The following F8 variants were observed in gnomAD, a reference collection of about 807,000 sequenced individuals.
The protein encoded by F8 is antihemophilic factor.
F8 carries 12 observed loss-of-function variants against 140.6 expected under a neutral mutation model. The observed-to-expected ratio is 0.09, with a 90% CI of 0.05 to 0.14. The LOEUF (loss-of-function observed/expected upper bound fraction) is 0.14. Ranked by LOEUF, F8 falls within the 10% of genes least tolerant of loss-of-function variation. The pLI is 1.00. For missense variants in F8, 1,354 were observed against 1,720.7 expected (o/e 0.79, Z 3.77); for synonymous variants, 585 against 614.6 (o/e 0.95, Z 0.71).
chrX:154,984,481 G>T (rs782528464), intron 6 of F8, among the ~76,000 whole-genome samples: 10 of 111,490 alleles, frequency 9.0e-5, no homozygotes, highest in African/African-American at 3.3e-4. Flanking sequence ...TCTGACTGTG[G>T]GCTGTATGTA....
chrX:155,008,390 C>T (rs1315524680), intron 1 of F8, among the ~76,000 whole-genome samples: 1 of 111,684 alleles, frequency 9.0e-6, no homozygotes, highest in Non-Finnish European at 1.9e-5. Context: ...GAGTATACGG[C>T]GGGTGCCACC....
At chrX:154,996,883 A>C (rs1438599611) in intron 3 of F8, 90 bp downstream of exon 3, 9 of 1,015,174 alleles carry the variant, frequency 8.9e-6, no homozygotes, top group Non-Finnish European at 1.3e-5. Flanking sequence ...TTAGGACCTT[A>C]AAAGAGTTGT....
chrX:154,848,454 C>T (rs943448528), intron 25 of F8, among the ~76,000 whole-genome samples: 3 of 112,791 alleles, frequency 2.7e-5, no homozygotes, highest in Non-Finnish European at 5.6e-5. Context: ...GCTTCCTGGC[C>T]GCTTTGTTTA....
chrX:154,854,533 A>C lies in F8; in HGVS notation c.6900+5899T>G, dbSNP rs972489004. On this transcript the variant is annotated intron_variant, in intron 25 of 25. Transcript: ENST00000360256. ...AGCTCTCTGGGGTCTCTAGGCTGCC[A>C]ACTCACCCTGCAGATCTTGAGACTT... Among the ~76,000 whole-genome samples the C allele has an allele frequency of 4.5e-5, 5 of 110,346 alleles. No homozygotes were observed. In the South Asian group the frequency reaches 1.9e-3, roughly 43 times the overall value.
chrX:154,996,049 C>T (rs1461597753), intron 3 of F8, among the ~76,000 whole-genome samples: 4 of 111,639 alleles, frequency 3.6e-5, no homozygotes, highest in African/African-American at 1.3e-4. Flanking sequence ...TTTTAAAGCT[C>T]TTATCTCTCC....
intron 21 of F8, among the ~76,000 whole-genome samples, chrX:154,897,164 T>C (rs1393474539): frequency 8.9e-6 from 1 of 112,579 alleles, no homozygotes; most frequent in East Asian, 2.8e-4. Context: ...TAGTACAGAA[T>C]GGACACTTCT....
chrX:155,010,304 T>C (rs1167046304), intron 1 of F8, among the ~76,000 whole-genome samples: 1 of 112,276 alleles, frequency 8.9e-6, no homozygotes, highest in Non-Finnish European at 1.9e-5. Flanking sequence ...TGGCAACCAT[T>C]GTCCTTGACA....
intron 10 of F8, among the ~76,000 whole-genome samples, chrX:154,959,220 A>C (rs2073382138): frequency 9.2e-6 from 1 of 109,128 alleles, no homozygotes; most frequent in Non-Finnish European, 1.9e-5. Flanking sequence ...TACAAAAAAT[A>C]AAAATAATAA....
intron 25 of F8, among the ~76,000 whole-genome samples, chrX:154,838,993 T>A (rs1351862957): frequency 4.6e-5 from 4 of 87,633 alleles, no homozygotes; most frequent in African/African-American, 1.8e-4. Flanking sequence ...GCCCCCTTAC[T>A]CTGGTCTCCA....
At chrX:154,903,518 A>AT (rs2073020619) in intron 18 of F8, among the ~76,000 whole-genome samples, 1 of 111,789 alleles carries the variant, frequency 8.9e-6, no homozygotes, top group Non-Finnish European at 1.9e-5. Context: ...CCAAAATAAA[A>AT]TTGTGTTGTG....
At chrX:154,977,164 A>T (rs782386378) in intron 6 of F8, among the ~76,000 whole-genome samples, 2 of 112,226 alleles carry the variant, frequency 1.8e-5, no homozygotes, top group South Asian at 3.7e-4. Context: ...AAAATTTTTT[A>T]AAAAATCGAC....
intron 25 of F8, among the ~76,000 whole-genome samples, chrX:154,845,460 C>T (rs2072557958): frequency 8.9e-6 from 1 of 111,809 alleles, no homozygotes; most frequent in African/African-American, 3.3e-5. Context: ...ATTATTGCCT[C>T]AATTTCAGAG....
chrX:154,998,198 C>T (rs2073627759), intron 2 of F8, among the ~76,000 whole-genome samples: 1 of 112,821 alleles, frequency 8.9e-6, no homozygotes, highest in Non-Finnish European at 1.9e-5. Flanking sequence ...CAGTCTAATA[C>T]CAAATTTTTG....
intron 13 of F8, among the ~76,000 whole-genome samples, chrX:154,933,583 C>A (rs1217524717): frequency 8.9e-6 from 1 of 112,260 alleles, no homozygotes; most frequent in Non-Finnish European, 1.9e-5. Flanking sequence ...TCTCGGCTAG[C>A]AAACCTTGAT....
chrX:155,012,872 C>T (rs890057788), intron 1 of F8, among the ~76,000 whole-genome samples: 12 of 110,166 alleles, frequency 1.1e-4, no homozygotes, highest in Middle Eastern at 4.6e-3. Context: ...GTCAGCCGGG[C>T]GCGGTGGCTC....
intron 22 of F8, among the ~76,000 whole-genome samples, chrX:154,877,386 G>A (rs1557274105): frequency 8.9e-6 from 1 of 112,328 alleles, no homozygotes; most frequent in Non-Finnish European, 1.9e-5. Flanking sequence ...CTTAAGAATA[G>A]TCACAAAGGT....
Position 154,928,523 on chromosome X carries a change from G to A in F8, c.5219+48C>T, listed in dbSNP as rs782673465. 3.7e-6 allele frequency: 4 copies of A among 1,095,267 alleles called. No individual in the cohort carries two copies. In the East Asian group the frequency reaches 9.0e-5, roughly 25 times the overall value. The allele number at this position is 1,095,267 out of a possible 1,213,427, so 90.3% of individuals were successfully genotyped here. A position where few individuals can be genotyped will look rare whatever the true frequency, so the allele number is the denominator to read the frequency against. ...ATTGTTGGTGTCATCATCTGGTAAAGTCAAATGTCACAAGAGCAGAGCAAA... is the reference window on the plus strand; with the variant it reads ...ATTGTTGGTGTCATCATCTGGTAAAATCAAATGTCACAAGAGCAGAGCAAA... On this transcript the variant is annotated intron_variant, in intron 14 of 25. Coordinates refer to ENST00000360256, the MANE Select transcript of F8 (RefSeq NM_000132.4).
At chrX:154,919,313 G>T (rs1027147082) in intron 14 of F8, among the ~76,000 whole-genome samples, 3 of 111,376 alleles carry the variant, frequency 2.7e-5, no homozygotes, top group Non-Finnish European at 3.8e-5. Context: ...CTTTTTTATT[G>T]TCTCAAGTAT....
chrX:154,902,208 T>A, intron 18 of F8, 41 bp from the exon 19 acceptor site: 1 of 984,885 alleles, frequency 1.0e-6, no homozygotes, highest in Non-Finnish European at 1.5e-6. Context: ...TTCTTTTCAC[T>A]AAAAAATGAG....
Sources: allele counts gnomAD v4.1 joint callset (sites outside exome capture counted in the v4.1 genomes callset), GRCh38; gene constraint gnomAD v4.1.1; transcripts MANE v1.5; gene names NCBI Gene and HGNC (gene_info 2026-07-23, HGNC 2026-07-21).